CSMD2: variants seen among roughly 807,000 people sequenced by gnomAD.
CSMD2 encodes CUB and sushi domain-containing protein 2.
A neutral mutation model predicts 398.5 loss-of-function variants in CSMD2; 130 were observed. The observed-to-expected ratio is 0.33, with a 90% confidence interval of 0.28 to 0.38. CSMD2 has a LOEUF of 0.38. Among genes scored for constraint, CSMD2 ranks in the 10% least tolerant of loss-of-function variants. The probability of loss-of-function intolerance (pLI) is 1.00; values close to 1 mark genes in which losing one functional copy is unlikely to be tolerated. For missense variants in CSMD2, 3,829 were observed against 4,764.9 expected, an observed-to-expected ratio of 0.80 and a Z score of 5.78; for synonymous variants, 1,828 against 1,908.5, an observed-to-expected ratio of 0.96 and a Z score of 1.10.
At chr1:34,019,316 G>T (rs1227215508) in intron 3 of CSMD2, among the ~76,000 whole-genome samples, 5 of 152,126 alleles carry the variant, frequency 3.3e-5, no homozygotes, top group African/African-American at 1.2e-4. Flanking sequence ...ACTCACAACT[G>T]GAGACCCCAG....
intron 29 of CSMD2, among the ~76,000 whole-genome samples, chr1:33,646,232 G>A (rs1466864100): frequency 6.6e-6 from 1 of 152,212 alleles, no homozygotes; most frequent in African/African-American, 2.4e-5. Context: ...CCATAGGGAT[G>A]TTGAAGTTAC....
chr1:33,791,757 G>C (rs1405540685), intron 11 of CSMD2, among the ~76,000 whole-genome samples: 1 of 152,118 alleles, frequency 6.6e-6, no homozygotes, highest in Non-Finnish European at 1.5e-5. Context: ...CAAAGTGCTG[G>C]GATTACATCA....
intron 6 of CSMD2, among the ~76,000 whole-genome samples, chr1:33,842,985 A>T (rs1253836650): frequency 6.6e-6 from 1 of 152,170 alleles, no homozygotes; most frequent in African/African-American, 2.4e-5. Flanking sequence ...ACCCACATTT[A>T]AGTCACTGCC....
At chr1:34,122,611 C>T (rs1011028389) in intron 1 of CSMD2, among the ~76,000 whole-genome samples, 1 of 152,168 alleles carries the variant, frequency 6.6e-6, no homozygotes. Context: ...CCTATTTCCT[C>T]TCTGGTGTTA....
intron 42 of CSMD2, among the ~76,000 whole-genome samples, chr1:33,603,701 G>T (rs1640386244): frequency 6.6e-6 from 1 of 152,234 alleles, no homozygotes; most frequent in Non-Finnish European, 1.5e-5. Flanking sequence ...GCACAGGCTG[G>T]ACCATGTCAT....
chr1:34,084,622 T>C (rs1163571087), intron 2 of CSMD2, among the ~76,000 whole-genome samples: 1 of 151,862 alleles, frequency 6.6e-6, no homozygotes, highest in Non-Finnish European at 1.5e-5. Flanking sequence ...AAAAGACACA[T>C]GAAAAAATGC....
chr1:33,995,436 T>A (rs1230746460), intron 3 of CSMD2, among the ~76,000 whole-genome samples: 1 of 152,188 alleles, frequency 6.6e-6, no homozygotes, highest in Non-Finnish European at 1.5e-5. Context: ...CTCTGGGACA[T>A]CGGACCTTGT....
chr1:33,567,525 A>G, intron 53 of CSMD2, 68 bp downstream of exon 53: 1 of 1,489,990 alleles, frequency 6.7e-7, no homozygotes, highest in Non-Finnish European at 9.3e-7. Flanking sequence ...TAATCTAATT[A>G]AGAGACAGGG....
At chr1:33,572,806 G>GTAAA in intron 49 of CSMD2, 115 bp from the exon 50 acceptor site, 1 of 728,498 alleles carries the variant, frequency 1.4e-6, no homozygotes, top group Non-Finnish European at 2.0e-6. Flanking sequence ...TAATTAAAGG[G>GTAAA]TAAAGTATCA....
intron 22 of CSMD2, among the ~76,000 whole-genome samples, chr1:33,701,654 T>C (rs1645616059): frequency 2.0e-5 from 3 of 152,238 alleles, no homozygotes; most frequent in Admixed American, 6.5e-5. Flanking sequence ...TGTTGTATAT[T>C]ACAGAGATTT....
At chr1:33,967,288 G>T (rs899245921) in intron 3 of CSMD2, among the ~76,000 whole-genome samples, 2 of 151,836 alleles carry the variant, frequency 1.3e-5, no homozygotes, top group African/African-American at 2.4e-5. Flanking sequence ...GTGGGGGGTA[G>T]TCTATAAAGA....
Position 33,813,415 on chromosome 1 carries a change from T to C in CSMD2, c.1325-2551A>G, listed in dbSNP as rs75212898. Among the ~76,000 whole-genome samples, 26 of 152,280 alleles carry C rather than the reference T, an allele frequency of 1.7e-4. No individual in the cohort carries two copies. The East Asian group carries it at 3.9e-3, about 23-fold the overall frequency. On this transcript the variant is annotated intron_variant, in intron 9 of 70. Coordinates refer to ENST00000373381, the MANE Select transcript of CSMD2 (RefSeq NM_001281956.2). ...AGCTCCATGGGATCCCATCAACAGA[T>C]AGAAAGTTCATCACAGTGACCCAGA...
At chr1:34,044,358 C>T (rs902705246) in intron 2 of CSMD2, among the ~76,000 whole-genome samples, 10 of 152,142 alleles carry the variant, frequency 6.6e-5, no homozygotes, top group Non-Finnish European at 1.5e-4. Flanking sequence ...TCAATGTAAA[C>T]CTTCAAGGCT....
At chr1:33,839,665 T>G (rs1048452017) in intron 6 of CSMD2, 2 of 152,184 alleles carry the variant, frequency 1.3e-5, no homozygotes, top group African/African-American at 2.4e-5. Flanking sequence ...TGAAGGTTGA[T>G]GGGAAAAATG....
At chr1:33,670,007 C>A (rs940156901) in intron 25 of CSMD2, among the ~76,000 whole-genome samples, 1 of 152,180 alleles carries the variant, frequency 6.6e-6, no homozygotes, top group South Asian at 2.1e-4. Context: ...GGACTTCTAG[C>A]CTCTAGAACT....
chr1:33,661,768 A>G lies in CSMD2; in HGVS notation c.4255+1122T>C, dbSNP rs942831814. On this transcript the variant is annotated intron_variant, in intron 26 of 70. Coordinates refer to ENST00000373381, the MANE Select transcript of CSMD2 (RefSeq NM_001281956.2). The stretch of plus-strand genomic sequence containing the variant: ...CCACAGAGATGACAGACGTAGCAGA[A>G]AAGAGCTAGAAGCAGGATTTGCAAC... Among the ~76,000 whole-genome samples the G allele has an allele frequency of 5.1e-4, 77 of 152,224 alleles. 1 individual carries two copies. Among genetic ancestry groups the G allele is most frequent in the African/African-American group, 1.8e-3 (73 of 41,460 alleles).
intron 41 of CSMD2, chr1:33,605,984 C>T (rs751661631): frequency 2.5e-6 from 4 of 1,611,950 alleles, no homozygotes; most frequent in Middle Eastern, 1.7e-4. Flanking sequence ...GGGAGTAAGT[C>T]AAATCTGTGG....
At chr1:33,836,796 A>T (rs1463760495) in intron 6 of CSMD2, among the ~76,000 whole-genome samples, 2 of 151,712 alleles carry the variant, frequency 1.3e-5, no homozygotes, top group African/African-American at 4.8e-5. Flanking sequence ...GAATTCCCCA[A>T]CCCCTTGCAC....
chr1:33,971,078 CATT>C (rs1645744859), intron 3 of CSMD2, among the ~76,000 whole-genome samples: 2 of 152,104 alleles, frequency 1.3e-5, no homozygotes, highest in Non-Finnish European at 1.5e-5. Context: ...GAACCATTAT[CATT>C]ATCATTATGG....
Sources: gnomAD v4.1 joint callset for allele counts (sites outside exome capture counted in the v4.1 genomes callset) on GRCh38, gnomAD v4.1.1 for gene constraint, MANE v1.5 for transcripts, NCBI Gene and HGNC (gene_info 2026-07-23, HGNC 2026-07-21) for gene names.